RIF1: variants seen among roughly 807,000 people sequenced by gnomAD.
RIF1 encodes replication timing regulatory factor 1.
In RIF1, 45 loss-of-function variants were observed where a neutral mutation model predicts 247.1. That is an observed-to-expected ratio of 0.18 (90% CI 0.14 to 0.23). The LOEUF (loss-of-function observed/expected upper bound fraction) is 0.23, where lower values mean the gene tolerates loss of function less well. Among genes scored for constraint, RIF1 ranks in the 10% least tolerant of loss-of-function variants. RIF1 has a pLI of 1.00. For synonymous variants in RIF1, 1,087 were observed against 978.8 expected (o/e 1.11, Z -2.06); for missense variants, 2,967 against 2,862.5 (o/e 1.04, Z -0.83).
chr2:151,524,332 C>T, the RIF1 span: 1 of 1,613,890 alleles, frequency 6.2e-7, no homozygotes, highest in Non-Finnish European at 8.5e-7. Flanking sequence ...GCTTGGCTGC[C>T]TTCTTGGCCA....
intron 6 of RIF1, among the ~76,000 whole-genome samples, chr2:151,418,420 G>C (rs1439794702): frequency 2.0e-5 from 3 of 152,182 alleles, no homozygotes; most frequent in Non-Finnish European, 4.4e-5. Context: ...GGCCAGTCTG[G>C]AGTTGAACTC....
At chr2:151,497,597 G>A in intron 10 of RIF1, 2 of 1,545,750 alleles carry the variant, frequency 1.3e-6, no homozygotes, top group Non-Finnish European at 1.7e-6. Context: ...CATTAAATAA[G>A]TAGTTTTTTT....
At chr2:151,506,345 G>C (rs1452460794) in exon 13 of RIF1, 3 of 970,438 alleles carry the variant, frequency 3.1e-6, no homozygotes, top group African/African-American at 3.3e-5. Flanking sequence ...CATGGCTTTT[G>C]TGAAAACAAG....
rs764869658 is a variant in RIF1 at position 151,466,135 on chromosome 2, G to T, written c.6600+15G>T. On this transcript the variant is annotated intron_variant, in intron 30 of 35. Coordinates refer to ENST00000444746, the MANE Select transcript of RIF1 (RefSeq NM_018151.5). ...CTGTTAATAAGGTAAGGGGAATGAG[G>T]CTAAATATTAAGGAACCCAGTATTT... is the stretch of plus-strand genomic sequence containing the variant. The T allele has an allele frequency of 2.7e-6, 4 of 1,467,832 alleles. No individual in the cohort carries two copies. Among genetic ancestry groups the T allele is most frequent in the Non-Finnish European group, 3.7e-6 (4 of 1,074,888 alleles). 90.9% of individuals were successfully genotyped at this position (1,467,832 alleles called of 1,614,324 possible). A position where few individuals can be genotyped will look rare whatever the true frequency, so the allele number is the denominator to read the frequency against.
chr2:151,508,071 A>G, downstream of RIF1: 1 of 1,610,746 alleles, frequency 6.2e-7, no homozygotes, highest in Non-Finnish European at 8.5e-7. Flanking sequence ...CAGTCTCATA[A>G]TACGACATGG....
the RIF1 span, chr2:151,524,270 TCTC>T: frequency 1.6e-5 from 24 of 1,518,634 alleles, no homozygotes; most frequent in African/African-American, 9.6e-5. Context: ...TCTTTTATAA[TCTC>T]CTCACATGAG....
At chr2:151,472,754 G>A (rs1040729608) in intron 34 of RIF1, among the ~76,000 whole-genome samples, 2 of 152,164 alleles carry the variant, frequency 1.3e-5, no homozygotes, top group Non-Finnish European at 2.9e-5. Context: ...TTTTTGATGT[G>A]CTGCTGGATT....
In RIF1 at chr2:151,506,909, C is replaced by T. The variant is rs769787871; in HGVS notation, c.*1027+534C>T. 5 of 1,581,460 alleles carry T rather than the reference C, an allele frequency of 3.2e-6. No homozygotes were observed. Among genetic ancestry groups the T allele is most frequent in the East Asian group, 2.2e-5 (1 of 44,512 alleles). On this transcript the variant is annotated intron_variant and NMD_transcript_variant, in intron 13 of 13. Coordinates refer to the RIF1 transcript ENST00000454583. ...AATGCAAAATAAATAGTAAATATAC[C>T]GAGCTGAAATTCTTCTGATTTTCTT...
At chr2:151,502,405 A>G (rs935412344) in intron 11 of RIF1, among the ~76,000 whole-genome samples, 1 of 152,146 alleles carries the variant, frequency 6.6e-6, no homozygotes, top group Non-Finnish European at 1.5e-5. Context: ...AAAAAACTTA[A>G]AAGCTGCAAA....
Position 151,460,067 on chromosome 2 carries a change from C to T in RIF1, c.3023C>T (p.Ser1008Leu), listed in dbSNP as rs1695882070. The T allele has an allele frequency of 6.4e-7, 1 of 1,574,236 alleles. No individual in the cohort carries two copies. The highest frequency in any genetic ancestry group is 8.7e-7 in the Non-Finnish European group (1 of 1,155,326). Reference protein sequence around the residue: ...MERKSNGKRDSFLAQTKNKKE... With the variant: ...MERKSNGKRDLFLAQTKNKKE... The stretch of plus-strand genomic sequence containing the variant: ...AGAAAATCAAATGGAAAAAGAGATT[C>T]ATTTTTGGCACAAACAAAGAATAAA... Residue 1008 changes from serine (S) to leucine (L), a missense_variant, in exon 26 of 36, where the codon TCA (serine) becomes TTA (leucine). By Grantham distance (145) the Ser-to-Leu change is moderately radical. Around this residue, in one of 7 missense-constraint regions of RIF1, gnomAD observed 2,028 missense variants for 1,825.6 expected, o/e 1.11. Transcript: ENST00000444746.
chr2:151,463,392 C>G lies in RIF1; in HGVS notation c.3872C>G (p.Ala1291Gly), dbSNP rs772035122. ...GGAACTAAGAGATCAAGCCGGAGAG[C>G]TGGTAAAGCTGAACAAACAGGGAAT... The part of the protein sequence containing the change: ...VNGTKRSSRR[A>G]GKAEQTGNKR... Residue 1291 changes from alanine (A) to glycine (G), a missense_variant, in exon 30 of 36, where the codon GCT (alanine) becomes GGT (glycine). By Grantham distance (60) the Ala-to-Gly change is moderately conservative. This residue lies in a region of RIF1 where 2,028 missense variants were observed against 1,825.6 expected (regional missense o/e 1.11). Transcript: ENST00000444746. 18 of 1,613,882 alleles carry G rather than the reference C, an allele frequency of 1.1e-5. No individual in the cohort carries two copies. The highest frequency in any genetic ancestry group is 1.5e-5 in the Non-Finnish European group (18 of 1,179,946).
intron 23 of RIF1, 130 bp downstream of exon 23, chr2:151,456,750 G>C (rs1574090930): frequency 1.8e-6 from 1 of 542,746 alleles, no homozygotes; most frequent in East Asian, 3.5e-5. Context: ...TTTTTTCCTG[G>C]AGACAGCATT....
intron 9 of RIF1, among the ~76,000 whole-genome samples, chr2:151,494,564 C>G (rs2058820226): frequency 6.6e-6 from 1 of 152,176 alleles, no homozygotes; most frequent in African/African-American, 2.4e-5. Flanking sequence ...ATGATCCAAA[C>G]AGGAGTTACA....
At chr2:151,435,942 G>A (rs1425288082) in intron 11 of RIF1, among the ~76,000 whole-genome samples, 1 of 151,966 alleles carries the variant, frequency 6.6e-6, no homozygotes, top group Non-Finnish European at 1.5e-5. Flanking sequence ...ACAACACATC[G>A]GCCAGGTGAG....
At position 151,493,451 on chromosome 2, in the gene RIF1, G is replaced by A. The variant is rs2152852833; in HGVS notation, c.*416-1778G>A. 1 of 1,557,796 alleles carries A rather than the reference G, an allele frequency of 6.4e-7. No homozygotes were observed. Among genetic ancestry groups the A allele is most frequent in the Non-Finnish European group, 8.7e-7 (1 of 1,149,404 alleles). On this transcript the variant is annotated intron_variant and NMD_transcript_variant, in intron 9 of 13. Transcript: ENST00000454583. ...ATGTTCTCTTTGTACAATACCTAGG[G>A]AAGCCAAAAGAGCATCTAGGCATCA...
chr2:151,445,434 A>C lies in RIF1; in HGVS notation c.2083A>C (p.Arg695=), dbSNP rs763138543. 4 of 1,542,346 alleles carry C rather than the reference A, an allele frequency of 2.6e-6. No individual in the cohort carries two copies. The highest frequency in any genetic ancestry group is 3.6e-6 in the Non-Finnish European group (4 of 1,114,752). Residue 695 remains arginine (R), a synonymous_variant, in exon 19 of 36, where the codon AGA becomes CGA. Transcript: ENST00000444746. ...LPVNHIFSEQ[R]FPVATMKTLL... ...AGTAAACCACATTTTTTCAGAACAGAGATTTCCAGTGGTAAGGCATTGTCA... is the reference window on the plus strand; with the variant it reads ...AGTAAACCACATTTTTTCAGAACAGCGATTTCCAGTGGTAAGGCATTGTCA...
At chr2:151,510,045 A>C (rs1384442976), downstream of RIF1, among the ~76,000 whole-genome samples, 1 of 152,248 alleles carries the variant, frequency 6.6e-6, no homozygotes, top group Non-Finnish European at 1.5e-5. Context: ...ATCTAAAGAC[A>C]TAAGTGATTA....
intron 3 of RIF1, 40 bp downstream of exon 3, chr2:151,411,378 GTTTGGTTTTTTTT>G: frequency 1.6e-6 from 2 of 1,245,360 alleles, no homozygotes; most frequent in Non-Finnish European, 2.3e-6. Flanking sequence ...ACTTTTGGTA[GTTTGGTTTTTTTT>G]TTTGGTTTTG....
At chr2:151,510,378 T>A (rs560929947), downstream of RIF1, among the ~76,000 whole-genome samples, 2 of 152,366 alleles carry the variant, frequency 1.3e-5, no homozygotes, top group South Asian at 4.1e-4. Context: ...CATCCCAGCC[T>A]TTGTACAGGG....
Sources: gnomAD v4.1 joint callset for allele counts (sites outside exome capture counted in the v4.1 genomes callset) on GRCh38, gnomAD v4.1.1 for gene constraint, gnomAD v4.1.1 regional missense constraint, MANE v1.5 for transcripts, NCBI Gene and HGNC (gene_info 2026-07-23, HGNC 2026-07-21) for gene names.